Variants in AFF3 observed in about 807,000 individuals in gnomAD.
AFF3 encodes the protein ALF transcription elongation factor 3.
Under a neutral mutation model 129.7 loss-of-function variants are expected in AFF3, and 32 were observed. The ratio of observed to expected loss-of-function variants is 0.25; its 90% confidence interval spans 0.19 to 0.33. The LOEUF (loss-of-function observed/expected upper bound fraction) is 0.33. Among genes scored for constraint, AFF3 ranks in the 10% least tolerant of loss-of-function variants. AFF3 has a pLI of 1.00. For missense variants in AFF3, 1,373 were observed against 1,592.0 expected, an observed-to-expected ratio of 0.86 and a Z score of 2.34; for synonymous variants, 644 against 635.4, an observed-to-expected ratio of 1.01 and a Z score of -0.20.
In AFF3 at chr2:100,007,590, G is replaced by A. The variant is rs10205511; in HGVS notation, c.175-130C>T. The A allele has an allele frequency of 4.5e-3, 3,746 of 838,880 alleles. 78 individuals carry two copies. In the African/African-American group the frequency reaches 0.053, roughly 12 times the overall value. The allele number at this position is 838,880 out of a possible 1,614,324, so 52.0% of individuals were successfully genotyped here. A position where few individuals can be genotyped will look rare whatever the true frequency, so the allele number is the denominator to read the frequency against. ...AGAATGAGAGCTGAGAGATGAAATC[G>A]AAATCCTTATCGTCTCTGAAGATGT... On this transcript the variant is annotated intron_variant, in intron 5 of 24. Coordinates refer to ENST00000672756, the MANE Select transcript of AFF3 (RefSeq NM_001386135.1).
At chr2:100,081,551 C>T (rs1340006913) in intron 4 of AFF3, among the ~76,000 whole-genome samples, 2 of 152,138 alleles carry the variant, frequency 1.3e-5, no homozygotes, top group African/African-American at 2.4e-5. Context: ...CCTGCACCCC[C>T]TCATCATCTG....
At chr2:100,122,804 A>C (rs951143008) in intron 2 of AFF3, among the ~76,000 whole-genome samples, 17 of 152,240 alleles carry the variant, frequency 1.1e-4, no homozygotes, top group Non-Finnish European at 1.8e-4. Flanking sequence ...CATACTGGCA[A>C]TGAGAGACTC....
intron 4 of AFF3, among the ~76,000 whole-genome samples, chr2:100,072,271 A>G (rs924268425): frequency 6.6e-6 from 1 of 152,140 alleles, no homozygotes; most frequent in Non-Finnish European, 1.5e-5. Flanking sequence ...AGTAAACCCT[A>G]TTGTGAACTG....
chr2:99,779,042 C>T (rs1684184868), intron 8 of AFF3, among the ~76,000 whole-genome samples: 1 of 152,046 alleles, frequency 6.6e-6, no homozygotes, highest in South Asian at 2.1e-4. Context: ...TGCCTAATTG[C>T]TCTGGCTAGT....
chr2:100,061,866 G>A (rs972662865), intron 4 of AFF3, among the ~76,000 whole-genome samples: 1 of 150,126 alleles, frequency 6.7e-6, no homozygotes, highest in Non-Finnish European at 1.5e-5. Flanking sequence ...GAGGGGGGGG[G>A]GGTGCCGACT....
At chr2:99,998,773 G>A (rs1397512046) in intron 7 of AFF3, among the ~76,000 whole-genome samples, 2 of 152,094 alleles carry the variant, frequency 1.3e-5, no homozygotes, top group African/African-American at 2.4e-5. Flanking sequence ...AACTGAACGA[G>A]GAATCGTGAC....
chr2:99,813,034 CAA>C (rs979645956), intron 8 of AFF3, among the ~76,000 whole-genome samples: 1 of 143,162 alleles, frequency 7.0e-6, no homozygotes, highest in Non-Finnish European at 1.5e-5. Flanking sequence ...GCTTGACCTC[CAA>C]AAAAAAAAAG....
chr2:99,809,740 C>T (rs1686644423), intron 8 of AFF3, among the ~76,000 whole-genome samples: 1 of 152,200 alleles, frequency 6.6e-6, no homozygotes, highest in Admixed American at 6.5e-5. Context: ...CTGATGAGTC[C>T]CACATCCCAC....
chr2:99,618,562 G>A lies in AFF3; in HGVS notation c.1185-16941C>T, dbSNP rs532425726. Reference sequence around the variant, plus strand: ...CATAACATTCTTAACATAGTGCCTAGCACATAGCAAATGCTCAATTAATAG... The same window carrying A: ...CATAACATTCTTAACATAGTGCCTAACACATAGCAAATGCTCAATTAATAG... On this transcript the variant is annotated intron_variant, in intron 13 of 24. Coordinates refer to ENST00000672756, the MANE Select transcript of AFF3 (RefSeq NM_001386135.1). 2.6e-5 allele frequency among the ~76,000 whole-genome samples: 4 copies of A among 152,154 alleles called. No individual in the cohort carries two copies. The South Asian group carries it at 8.3e-4, about 32-fold the overall frequency.
At chr2:100,099,461 G>A (rs896145789) in intron 4 of AFF3, among the ~76,000 whole-genome samples, 1 of 152,044 alleles carries the variant, frequency 6.6e-6, no homozygotes, top group Non-Finnish European at 1.5e-5. Context: ...ATCCCTCCCT[G>A]CCTGTGTTAG....
intron 4 of AFF3, among the ~76,000 whole-genome samples, chr2:100,073,566 T>C (rs1688368218): frequency 6.6e-6 from 1 of 152,212 alleles, no homozygotes. Flanking sequence ...ACATATGCCA[T>C]GCATTTTCTC....
chr2:99,695,648 A>G (rs1676138885), intron 11 of AFF3, among the ~76,000 whole-genome samples: 1 of 152,196 alleles, frequency 6.6e-6, no homozygotes, highest in South Asian at 2.1e-4. Context: ...TTGCTGTGTT[A>G]TAAATGAACA....
At chr2:99,792,543 A>G (rs1395347358) in intron 8 of AFF3, among the ~76,000 whole-genome samples, 1 of 152,194 alleles carries the variant, frequency 6.6e-6, no homozygotes, top group African/African-American at 2.4e-5. Context: ...TGGCAAGAGT[A>G]TATCTTTGCC....
intron 7 of AFF3, among the ~76,000 whole-genome samples, chr2:99,944,160 C>G (rs866695407): frequency 5.9e-5 from 9 of 152,164 alleles, no homozygotes; most frequent in African/African-American, 2.2e-4. Context: ...CTCCGCTTCC[C>G]AAAGTGCTGG....
At chr2:99,649,406 C>T (rs1685024386) in intron 13 of AFF3, among the ~76,000 whole-genome samples, 1 of 152,144 alleles carries the variant, frequency 6.6e-6, no homozygotes, top group African/African-American at 2.4e-5. Context: ...TGTTTCATTG[C>T]ACAACAAGGG....
At chr2:99,602,305 C>A (rs1402889414) in intron 13 of AFF3, among the ~76,000 whole-genome samples, 1 of 152,192 alleles carries the variant, frequency 6.6e-6, no homozygotes, top group Non-Finnish European at 1.5e-5. Context: ...CACTGACACA[C>A]TTTCGTATAT....
intron 4 of AFF3, among the ~76,000 whole-genome samples, chr2:100,043,893 A>G (rs1016106337): frequency 6.6e-6 from 1 of 152,208 alleles, no homozygotes; most frequent in African/African-American, 2.4e-5. Flanking sequence ...ATTTCTGCAT[A>G]TGAAGCTCCT....
chr2:99,992,653 TTAAC>T (rs1420721810), intron 7 of AFF3, among the ~76,000 whole-genome samples: 1 of 152,226 alleles, frequency 6.6e-6, no homozygotes, highest in Non-Finnish European at 1.5e-5. Flanking sequence ...GACTGTCATT[TTAAC>T]TGAAAAGCAA....
chr2:99,581,084 G>C (rs1311841984), intron 17 of AFF3, among the ~76,000 whole-genome samples: 1 of 152,158 alleles, frequency 6.6e-6, no homozygotes, highest in Non-Finnish European at 1.5e-5. Flanking sequence ...AAGCTTCATG[G>C]GGGCACAAAT....
Sources: gnomAD v4.1 joint callset for allele counts (sites outside exome capture counted in the v4.1 genomes callset) on GRCh38, gnomAD v4.1.1 for gene constraint, MANE v1.5 for transcripts, NCBI Gene and HGNC (gene_info 2026-07-23, HGNC 2026-07-21) for gene names.